The following MAP7D2 variants were observed in gnomAD, a reference collection of about 807,000 sequenced individuals.
MAP7D2 encodes the protein MAP7 domain containing 2.
In MAP7D2, 33 loss-of-function variants were observed where a neutral mutation model predicts 63.5. The observed-to-expected ratio is 0.52, with a 90% CI of 0.39 to 0.70. The LOEUF is 0.70. MAP7D2 is among the 30% of genes least tolerant of loss of function. The pLI is 0.00. For synonymous variants in MAP7D2, 224 were observed against 223.7 expected (o/e 1.00, Z -0.01); for missense variants, 626 against 604.0 (o/e 1.04, Z -0.38).
At chrX:20,074,777 G>A (rs763969647) in intron 1 of MAP7D2, among the ~76,000 whole-genome samples, 8 of 111,773 alleles carry the variant, frequency 7.2e-5, no homozygotes, top group South Asian at 3.8e-4. Context: ...GAGGCCAGGC[G>A]CGGTGGTTTA....
At chrX:20,108,720 C>CAAAAAAAAA (rs1367753312) in intron 1 of MAP7D2, among the ~76,000 whole-genome samples, 1 of 69,128 alleles carries the variant, frequency 1.4e-5, no homozygotes, top group African/African-American at 5.2e-5. Context: ...TGGAAATTTA[C>CAAAAAAAAA]AAAAAAAAAA....
At position 20,013,635 on chromosome X, in the gene MAP7D2, A is replaced by T. The variant is rs2073278806; in HGVS notation, c.1750-10T>A. On this transcript the variant is annotated splice_polypyrimidine_tract_variant and intron_variant, in intron 12 of 16. Transcript: ENST00000379643. ...TGATTTCATCTATTCTCTAAAAACA[A>T]AAAACAAAAAACAAAATCAAGTAAG... The T allele has an allele frequency of 8.9e-7, 1 of 1,121,799 alleles. No homozygotes were observed. Among genetic ancestry groups the T allele is most frequent in the Non-Finnish European group, 1.2e-6 (1 of 824,503 alleles). 92.4% of individuals were successfully genotyped at this position (1,121,799 alleles called of 1,213,427 possible). A position where few individuals can be genotyped will look rare whatever the true frequency, so the allele number is the denominator to read the frequency against.
intron 8 of MAP7D2, among the ~76,000 whole-genome samples, chrX:20,037,153 G>A (rs2064517206): frequency 9.0e-6 from 1 of 110,590 alleles, no homozygotes; most frequent in Admixed American, 9.7e-5. Flanking sequence ...ACAACCACAA[G>A]GTGAAGTCCC....
intron 1 of MAP7D2, among the ~76,000 whole-genome samples, chrX:20,104,307 T>G (rs1189865232): frequency 1.8e-5 from 2 of 112,579 alleles, no homozygotes; most frequent in Non-Finnish European, 3.8e-5. Context: ...ATGTTTAGTT[T>G]ATGATGTTTT....
chrX:20,029,622 A>G (rs888953074), intron 8 of MAP7D2, among the ~76,000 whole-genome samples: 1 of 111,399 alleles, frequency 9.0e-6, no homozygotes, highest in African/African-American at 3.3e-5. Flanking sequence ...AATAACTTCT[A>G]CCTGAGAAGT....
At chrX:20,056,216 C>T (rs1389486282) in intron 4 of MAP7D2, among the ~76,000 whole-genome samples, 1 of 112,048 alleles carries the variant, frequency 8.9e-6, no homozygotes, top group Non-Finnish European at 1.9e-5. Flanking sequence ...AAATAAGTCA[C>T]CTTGAAACAA....
intron 1 of MAP7D2, among the ~76,000 whole-genome samples, chrX:20,070,533 A>C (rs896420451): frequency 1.8e-5 from 2 of 111,130 alleles, no homozygotes; most frequent in Non-Finnish European, 3.8e-5. Flanking sequence ...AAGGACCTAA[A>C]GGGGATACCC....
At chrX:20,073,827 A>C (rs1926885379) in intron 1 of MAP7D2, among the ~76,000 whole-genome samples, 1 of 96,344 alleles carries the variant, frequency 1.0e-5, no homozygotes. Context: ...CACCCGGCCC[A>C]TTTCTTTAAT....
chrX:20,018,252 C>T (rs925205300), intron 10 of MAP7D2, among the ~76,000 whole-genome samples: 5 of 109,904 alleles, frequency 4.5e-5, no homozygotes, highest in East Asian at 5.7e-4. Flanking sequence ...AGGCATGAGC[C>T]GCTGCACTTG....
intron 8 of MAP7D2, among the ~76,000 whole-genome samples, chrX:20,027,755 G>GGGGAGAGA (rs1556533188): frequency 1.6e-4 from 13 of 81,904 alleles, no homozygotes; most frequent in Non-Finnish European, 2.7e-4. Flanking sequence ...GAGAAGGCGG[G>GGGGAGAGA]GGGAGAGAGA....
At chrX:20,028,992 G>A (rs1049156028) in intron 8 of MAP7D2, among the ~76,000 whole-genome samples, 2 of 111,843 alleles carry the variant, frequency 1.8e-5, no homozygotes, top group Admixed American at 9.4e-5. Context: ...CCTCCTCCCC[G>A]TGGAATGAGG....
chrX:20,087,221 G>A (rs114384147), intron 1 of MAP7D2, among the ~76,000 whole-genome samples: 2,815 of 112,227 alleles, frequency 0.025, 99 homozygotes, highest in African/African-American at 0.087. Flanking sequence ...GATAACTGAC[G>A]TTGACATTTC....
intron 1 of MAP7D2, among the ~76,000 whole-genome samples, chrX:20,096,216 T>C: frequency 9.8e-6 from 1 of 102,179 alleles, no homozygotes; most frequent in Non-Finnish European, 2.0e-5. Flanking sequence ...TTGCTTAAGG[T>C]CAGGAGTTAA....
intron 16 of MAP7D2, among the ~76,000 whole-genome samples, chrX:20,009,867 G>A (rs2148113812): frequency 9.2e-6 from 1 of 108,603 alleles, no homozygotes; most frequent in South Asian, 4.0e-4. Context: ...CTGGTGGCAT[G>A]TGCCTATGAT....
intron 1 of MAP7D2, among the ~76,000 whole-genome samples, chrX:20,088,082 G>A (rs1303122401): frequency 1.1e-5 from 1 of 92,269 alleles, no homozygotes; most frequent in Non-Finnish European, 2.2e-5. Context: ...GTATTTTTTT[G>A]TAGAGACAGG....
At chrX:20,071,784 G>GTTTGTTTTGT (rs764960642) in intron 1 of MAP7D2, among the ~76,000 whole-genome samples, 2 of 112,093 alleles carry the variant, frequency 1.8e-5, no homozygotes, top group African/African-American at 6.5e-5. Flanking sequence ...GTCTAGGTCT[G>GTTTGTTTTGT]TTTGTTTTGT....
chrX:20,097,070 G>A (rs1174587287), intron 1 of MAP7D2, among the ~76,000 whole-genome samples: 3 of 110,823 alleles, frequency 2.7e-5, no homozygotes, highest in South Asian at 4.0e-4. Context: ...CCCCTAGACC[G>A]GCACTGTCCC....
chrX:20,110,358 G>A (rs1196584288), intron 1 of MAP7D2, among the ~76,000 whole-genome samples: 1 of 109,094 alleles, frequency 9.2e-6, no homozygotes, highest in Non-Finnish European at 1.9e-5. Flanking sequence ...GCGTGCTAGT[G>A]CATGCCTGTA....
At chrX:20,056,843 C>A (rs757498222) in intron 3 of MAP7D2, 52 bp from the exon 4 acceptor site, 1 of 1,070,187 alleles carries the variant, frequency 9.3e-7, no homozygotes, top group Non-Finnish European at 1.3e-6. Flanking sequence ...CCCAGCCCCA[C>A]CACACTACCT....
Sources: gnomAD v4.1 joint callset for allele counts (sites outside exome capture counted in the v4.1 genomes callset) on GRCh38, gnomAD v4.1.1 for gene constraint, MANE v1.5 for transcripts, NCBI Gene and HGNC (gene_info 2026-07-23, HGNC 2026-07-21) for gene names.